The following FAM114A2 variants were observed in gnomAD, a reference collection of about 807,000 sequenced individuals.
The protein encoded by FAM114A2 is protein FAM114A2.
Under a neutral mutation model 58.4 loss-of-function variants are expected in FAM114A2, and 53 were observed. The observed-to-expected ratio is 0.91, with a 90% CI of 0.73 to 1.14. FAM114A2 has a LOEUF of 1.14. Ranked by LOEUF, FAM114A2 falls within the 50% of genes most tolerant of loss-of-function variation. The probability of loss-of-function intolerance (pLI) is 0.00; values close to 1 mark genes in which losing one functional copy is unlikely to be tolerated. For synonymous variants in FAM114A2, 228 were observed against 211.4 expected (o/e 1.08, Z -0.68); for missense variants, 601 against 581.1 (o/e 1.03, Z -0.35).
intron 12 of FAM114A2, among the ~76,000 whole-genome samples, chr5:153,996,380 C>A (rs1769554806): frequency 6.6e-6 from 1 of 152,010 alleles, no homozygotes; most frequent in Non-Finnish European, 1.5e-5. Flanking sequence ...CTACCTTACA[C>A]CATACACAAA....
rs1345638904 is a variant in FAM114A2 at position 154,034,348 on chromosome 5, G to A, written c.240C>T (p.Thr80=). Residue 80 remains threonine, a synonymous_variant, in exon 3 of 14, where the codon ACC becomes ACT. Transcript: ENST00000351797. ...CCCAGCTCCCCCAATAACCCCATCT[G>A]GTCTGGGGTACATCTTTGGAAACAT... The part of the protein sequence containing the change: ...QDNVSKDVPQ[T]RWGYWGSWGK... The A allele has an allele frequency of 6.3e-7, 1 of 1,594,554 alleles. No homozygotes were observed. Among genetic ancestry groups the A allele is most frequent in the Admixed American group, 1.7e-5 (1 of 57,144 alleles).
chr5:154,000,049 T>C (rs369537354), intron 11 of FAM114A2, among the ~76,000 whole-genome samples: 1 of 152,130 alleles, frequency 6.6e-6, no homozygotes, highest in East Asian at 1.9e-4. Flanking sequence ...TGCAGCAACA[T>C]GGATAGAACT....
At chr5:154,024,529 T>C (rs922275770) in intron 8 of FAM114A2, among the ~76,000 whole-genome samples, 13 of 152,132 alleles carry the variant, frequency 8.5e-5, no homozygotes, top group African/African-American at 2.4e-4. Flanking sequence ...GTCTGTTATG[T>C]TGCTTTAAGT....
rs539677869 is a variant in FAM114A2 at position 154,035,838 on chromosome 5, T to C, written c.-14-871A>G. On this transcript the variant is annotated intron_variant, in intron 1 of 13. Coordinates refer to ENST00000351797, the MANE Select transcript of FAM114A2 (RefSeq NM_018691.4). ...ATGACTGATAAGTTTTTCTGCATTC[T>C]TGCCAGCATTTGACATTGTCCCTAT... 3.3e-5 allele frequency among the ~76,000 whole-genome samples: 5 copies of C among 152,352 alleles called. No homozygotes were observed. The South Asian group carries it at 1.0e-3, about 32-fold the overall frequency.
In FAM114A2 at chr5:153,992,074, T is replaced by C. The variant is rs1769275752; in HGVS notation, c.*902A>G. 6.6e-6 allele frequency: 1 copy of C among 152,188 alleles called. No individual in the cohort carries two copies. The highest frequency in any genetic ancestry group is 6.5e-5 in the Admixed American group (1 of 15,284). The allele number at this position is 152,188 out of a possible 1,614,324, so 9.4% of individuals were successfully genotyped here. A position where few individuals can be genotyped will look rare whatever the true frequency, so the allele number is the denominator to read the frequency against. On this transcript the variant is annotated 3_prime_UTR_variant, in exon 14 of 14. Transcript: ENST00000351797. ...TAAATCCTATCATAAATGAACATCA[T>C]TTCTAAAGGACTATGGCCCACTTCA...
intron 5 of FAM114A2, 92 bp downstream of exon 5, chr5:154,029,397 C>G (rs1772024554): frequency 2.6e-6 from 2 of 775,792 alleles, no homozygotes; most frequent in African/African-American, 1.7e-5. Flanking sequence ...AGTAATCAGT[C>G]CACATGGCTG....
In FAM114A2 at chr5:154,024,160, AT is replaced by A. The variant is rs1224227283; in HGVS notation, c.913+2238del. On this transcript the variant is annotated intron_variant, in intron 8 of 13. Coordinates refer to ENST00000351797, the MANE Select transcript of FAM114A2 (RefSeq NM_018691.4). ...ACAATTCTAAAAAGCAATCAGAGAC[AT>A]TTCTAAAAAGCATTGCAGTTTAGGT... Among the ~76,000 whole-genome samples the A allele has an allele frequency of 2.0e-5, 3 of 152,210 alleles. No individual in the cohort carries two copies. In the East Asian group the frequency reaches 5.8e-4, roughly 29 times the overall value.
chr5:154,026,167 G>T, intron 8 of FAM114A2: 1 of 271,184 alleles, frequency 3.7e-6, no homozygotes, highest in Non-Finnish European at 6.9e-6. Flanking sequence ...AGCCACAAAG[G>T]GTTTGGTTGG....
chr5:153,993,043 A>G lies in FAM114A2; in HGVS notation c.1451T>C (p.Leu484Pro). Residue 484 changes from leucine to proline, a missense_variant, in exon 14 of 14, where the codon CTC (leucine) becomes CCC (proline). Physicochemically the swap from Leu to Pro is moderately conservative, Grantham distance 98. Transcript: ENST00000351797. Reference protein sequence around the residue: ...QLLLPVLEISLIENKIESHRH... With the variant: ...QLLLPVLEISPIENKIESHRH... ...GTGTGATTCAATCTTGTTCTCAATG[A>G]GAGAGATCTCTAGCACAGGTAAGAG... The G allele has an allele frequency of 6.2e-7, 1 of 1,613,564 alleles. No homozygotes were observed. The highest frequency in any genetic ancestry group is 8.5e-7 in the Non-Finnish European group (1 of 1,179,502).
In FAM114A2 at chr5:154,034,839, G is replaced by T. The variant is rs774179546; in HGVS notation, c.115C>A (p.Pro39Thr). The T allele has an allele frequency of 1.2e-6, 2 of 1,613,948 alleles. No individual in the cohort carries two copies. The highest frequency in any genetic ancestry group is 2.2e-5 in the South Asian group (2 of 91,080). Reference sequence around the variant, plus strand: ...ACTACAGGTTCTGATTTACTCTCTGGTTTGGCACCTTGGTCAACAGACTCA... The same window carrying T: ...ACTACAGGTTCTGATTTACTCTCTGTTTTGGCACCTTGGTCAACAGACTCA... ...NSESVDQGAK[P>T]ESKSEPVVST... Residue 39 changes from proline to threonine, a missense_variant, in exon 2 of 14, where the codon CCA (proline) becomes ACA (threonine). By Grantham distance (38) the Pro-to-Thr change is conservative. Coordinates refer to ENST00000351797, the MANE Select transcript of FAM114A2 (RefSeq NM_018691.4).
Position 153,991,433 on chromosome 5 carries a change from T to A in FAM114A2, c.*1543A>T, listed in dbSNP as rs556904950. Reference sequence around the variant, plus strand: ...TCAGAACTGGTGACACCAGCCTTTGTAACCAGAAGGCAACTGTTTTTCTGA... The same window carrying A: ...TCAGAACTGGTGACACCAGCCTTTGAAACCAGAAGGCAACTGTTTTTCTGA... On this transcript the variant is annotated 3_prime_UTR_variant, in exon 14 of 14. Transcript: ENST00000351797. The A allele has an allele frequency of 6.6e-6, 1 of 152,180 alleles. No individual in the cohort carries two copies. Among genetic ancestry groups the A allele is most frequent in the East Asian group, 1.9e-4 (1 of 5,202 alleles). The allele number at this position is 152,180 out of a possible 1,614,324, so 9.4% of individuals were successfully genotyped here.
intron 9 of FAM114A2, among the ~76,000 whole-genome samples, chr5:154,007,560 G>A (rs977621760): frequency 2.0e-5 from 3 of 152,130 alleles, no homozygotes; most frequent in African/African-American, 7.2e-5. Context: ...TAAACAATCT[G>A]AAGATTGCTT....
Position 153,990,823 on chromosome 5 carries a change from A to G in FAM114A2, c.*2153T>C, listed in dbSNP as rs1227144757. ...AGTACCAAAAGTGTAGCTGTTAACA[A>G]AAAACTAAAACACTGTAACTACCCC... On this transcript the variant is annotated 3_prime_UTR_variant, in exon 14 of 14. Transcript: ENST00000351797. 1 of 152,188 alleles carries G rather than the reference A, an allele frequency of 6.6e-6. No homozygotes were observed. The highest frequency in any genetic ancestry group is 1.5e-5 in the Non-Finnish European group (1 of 68,030). 9.4% of individuals were successfully genotyped at this position (152,188 alleles called of 1,614,324 possible).
chr5:153,992,625 G>A lies in FAM114A2; in HGVS notation c.*351C>T. 6.1e-6 allele frequency: 1 copy of A among 164,682 alleles called. No individual in the cohort carries two copies. Among genetic ancestry groups the A allele is most frequent in the Non-Finnish European group, 1.3e-5 (1 of 76,554 alleles). 10.2% of individuals were successfully genotyped at this position (164,682 alleles called of 1,614,324 possible). A position where few individuals can be genotyped will look rare whatever the true frequency, so the allele number is the denominator to read the frequency against. On this transcript the variant is annotated 3_prime_UTR_variant, in exon 14 of 14. Transcript: ENST00000351797. ...GCTTATCAACCAGTTATATCCATGG[G>A]CTGCAAATTATATCCATGACAAAAT...
At chr5:154,032,360 T>C (rs1772259107) in intron 4 of FAM114A2, among the ~76,000 whole-genome samples, 1 of 152,226 alleles carries the variant, frequency 6.6e-6, no homozygotes, top group Non-Finnish European at 1.5e-5. Flanking sequence ...TAGCTGACTC[T>C]TTTCTGGATT....
chr5:154,026,619 A>C (rs1277486929), intron 7 of FAM114A2, 97 bp from the exon 8 acceptor site: 3 of 797,674 alleles, frequency 3.8e-6, no homozygotes, highest in Non-Finnish European at 5.3e-6. Flanking sequence ...TATTGAAGTC[A>C]AAATTATGAG....
intron 8 of FAM114A2, among the ~76,000 whole-genome samples, chr5:154,022,857 T>A (rs1771516574): frequency 6.6e-6 from 1 of 152,196 alleles, no homozygotes; most frequent in Non-Finnish European, 1.5e-5. Context: ...TGTAGCACTA[T>A]TCACAATAGC....
chr5:154,012,642 T>C (rs978570924), intron 8 of FAM114A2, among the ~76,000 whole-genome samples: 2 of 152,210 alleles, frequency 1.3e-5, no homozygotes, highest in African/African-American at 4.8e-5. Context: ...TCTTGGTGTT[T>C]AAGGCAGAGA....
chr5:154,034,371 CATT>C lies in FAM114A2; in HGVS notation c.214_216del (p.Asn72del), dbSNP rs776206674. The C allele has an allele frequency of 7.1e-6, 11 of 1,556,472 alleles. No homozygotes were observed. Among genetic ancestry groups the C allele is most frequent in the Non-Finnish European group, 9.5e-6 (11 of 1,152,702 alleles). On this transcript the variant is annotated inframe_deletion, in exon 3 of 14. Transcript: ENST00000351797. ...CTGGTCTGGGGTACATCTTTGGAAA[CATT>C]ATCCTAATTTCCCAGTAGGCAGAAA...
Sources: gnomAD v4.1 joint callset for allele counts (sites outside exome capture counted in the v4.1 genomes callset) on GRCh38, gnomAD v4.1.1 for gene constraint, MANE v1.5 for transcripts, NCBI Gene and HGNC (gene_info 2026-07-23, HGNC 2026-07-21) for gene names.